CYREN: variants seen among roughly 807,000 people sequenced by gnomAD.
CYREN encodes the protein cell cycle regulator of NHEJ.
CYREN carries 7 observed loss-of-function variants against 9.7 expected under a neutral mutation model. The observed-to-expected ratio is 0.72, with a 90% CI of 0.41 to 1.36. The LOEUF is 1.36. CYREN is among the 40% of genes most tolerant of loss of function. The pLI, the probability that CYREN is intolerant of heterozygous loss-of-function variation, is 0.01. For missense variants in CYREN, 215 were observed against 198.1 expected (o/e 1.09, Z -0.51); for synonymous variants, 76 against 77.9 (o/e 0.98, Z 0.13).
intron 2 of CYREN, among the ~76,000 whole-genome samples, chr7:135,102,393 A>T (rs897756626): frequency 3.3e-5 from 5 of 152,180 alleles, no homozygotes; most frequent in Non-Finnish European, 7.4e-5. Flanking sequence ...ATTAATTCTT[A>T]AAAAATGTTA....
intron 2 of CYREN, among the ~76,000 whole-genome samples, chr7:135,103,292 G>A (rs1481046795): frequency 6.6e-6 from 1 of 152,154 alleles, no homozygotes; most frequent in Non-Finnish European, 1.5e-5. Context: ...TATTGAAGCT[G>A]AGTGATAGGT....
chr7:135,113,643 CA>C (rs1825936910), intron 2 of CYREN, among the ~76,000 whole-genome samples: 2 of 152,178 alleles, frequency 1.3e-5, no homozygotes, highest in South Asian at 4.1e-4. Flanking sequence ...ACCCACTTCC[CA>C]AGTATGTAGA....
At chr7:135,136,916 A>C (rs1829358379) in intron 2 of CYREN, among the ~76,000 whole-genome samples, 1 of 152,080 alleles carries the variant, frequency 6.6e-6, no homozygotes, top group South Asian at 2.1e-4. Context: ...TACAAATATA[A>C]GATGCTTTAC....
At chr7:135,150,821 A>G (rs960812201) in intron 2 of CYREN, among the ~76,000 whole-genome samples, 2 of 152,234 alleles carry the variant, frequency 1.3e-5, no homozygotes, top group Non-Finnish European at 2.9e-5. Context: ...GTGCCACTGC[A>G]TTCCACCCTG....
chr7:135,169,085 G>C (rs1264592907), intron 1 of CYREN, 25 bp from the exon 2 acceptor site: 2 of 691,504 alleles, frequency 2.9e-6, no homozygotes, highest in African/African-American at 1.8e-5. Flanking sequence ...AAAGTCCGGT[G>C]AATTCCCATA....
chr7:135,107,538 T>A (rs147426342), intron 2 of CYREN, among the ~76,000 whole-genome samples: 140 of 152,344 alleles, frequency 9.2e-4, no homozygotes, highest in Non-Finnish European at 1.7e-3. Flanking sequence ...GCAAATTTTT[T>A]AAATCTTGAT....
Position 135,168,999 on chromosome 7 carries a change from T to C in CYREN, c.-77A>G. 1 of 1,385,650 alleles carries C rather than the reference T, an allele frequency of 7.2e-7. No homozygotes were observed. The highest frequency in any genetic ancestry group is 9.7e-7 in the Non-Finnish European group (1 of 1,030,662). 85.8% of individuals were successfully genotyped at this position (1,385,650 alleles called of 1,614,324 possible). Reference sequence around the variant, plus strand: ...TTTTAATTCAGGAAGGTAAATCTCGTTCTCTCGTCACACCCGGAATTACAG... The same window carrying C: ...TTTTAATTCAGGAAGGTAAATCTCGCTCTCTCGTCACACCCGGAATTACAG... On this transcript the variant is annotated 5_prime_UTR_variant, in exon 2 of 4. Coordinates refer to ENST00000393114, the MANE Select transcript of CYREN (RefSeq NM_024033.4).
At chr7:135,172,272 T>C (rs62481877), upstream of CYREN, among the ~76,000 whole-genome samples, 74,674 of 152,136 alleles carry the variant, frequency 0.49, 18,611 homozygotes, top group South Asian at 0.65. Flanking sequence ...CATGCCTGCA[T>C]GGGCACTCTT....
intron 2 of CYREN, among the ~76,000 whole-genome samples, chr7:135,130,908 G>A (rs1487633127): frequency 6.6e-6 from 1 of 152,040 alleles, no homozygotes; most frequent in Non-Finnish European, 1.5e-5. Context: ...TTGGTGGGTG[G>A]CTTAGAAGCA....
At chr7:135,156,636 A>T (rs1329589681) in intron 2 of CYREN, among the ~76,000 whole-genome samples, 2 of 152,084 alleles carry the variant, frequency 1.3e-5, no homozygotes, top group Non-Finnish European at 2.9e-5. Context: ...TCTTTGTATT[A>T]GTTTTCAGAT....
intron 2 of CYREN, among the ~76,000 whole-genome samples, chr7:135,104,036 T>C (rs1356114823): frequency 6.6e-6 from 1 of 152,148 alleles, no homozygotes; most frequent in Non-Finnish European, 1.5e-5. Flanking sequence ...CAGTACCCAA[T>C]AGATACTTTT....
downstream of CYREN, chr7:135,164,959 TGAGGGCTGA>T (rs767980880): frequency 3.7e-6 from 6 of 1,608,476 alleles, no homozygotes; most frequent in South Asian, 1.1e-5. Flanking sequence ...GTGTTCCCTC[TGAGGGCTGA>T]GAGGGCTGAG....
chr7:135,131,014 C>T (rs1828681358), intron 2 of CYREN, among the ~76,000 whole-genome samples: 1 of 151,972 alleles, frequency 6.6e-6, no homozygotes, highest in South Asian at 2.1e-4. Context: ...TGAAGAATTG[C>T]TTTTAACTGT....
At chr7:135,148,963 G>A (rs1470387741) in intron 2 of CYREN, among the ~76,000 whole-genome samples, 3 of 152,046 alleles carry the variant, frequency 2.0e-5, no homozygotes, top group Non-Finnish European at 2.9e-5. Context: ...AGGCTCCTTT[G>A]AAAGAGGGAA....
At chr7:135,134,843 T>C in intron 2 of CYREN, 2 of 1,549,156 alleles carry the variant, frequency 1.3e-6, no homozygotes, top group Non-Finnish European at 8.7e-7. Context: ...TTTTCTAGAC[T>C]AAATCCGGCT....
rs2117424392 is a variant in CYREN, at chr7:135,151,036, T to C, written n.356+17713A>G. 6.6e-6 allele frequency among the ~76,000 whole-genome samples: 1 copy of C among 152,376 alleles called. No individual in the cohort carries two copies. The highest frequency in any genetic ancestry group is 1.5e-5 in the Non-Finnish European group (1 of 68,030). Reference sequence around the variant, plus strand: ...ATATTAATGGAACCATTTAAACAGCTATCTCAATGGCTTGTCATCTGGGTG... The same window carrying C: ...ATATTAATGGAACCATTTAAACAGCCATCTCAATGGCTTGTCATCTGGGTG... On this transcript the variant is annotated intron_variant and non_coding_transcript_variant, in intron 2 of 2. Coordinates refer to the CYREN transcript ENST00000459937. This position sits in a 1 kb window ranked among gnomAD's most constrained non-coding sequence, Gnocchi z 4.3.
intron 2 of CYREN, among the ~76,000 whole-genome samples, chr7:135,114,492 G>T (rs1826045403): frequency 1.6e-5 from 2 of 121,316 alleles, no homozygotes; most frequent in Admixed American, 1.9e-4. Flanking sequence ...ATAAAGAAGG[G>T]ATTTCTAACA....
chr7:135,157,765 G>A (rs1425998061), intron 2 of CYREN, among the ~76,000 whole-genome samples: 1 of 152,214 alleles, frequency 6.6e-6, no homozygotes, highest in Non-Finnish European at 1.5e-5. Flanking sequence ...AGGGTGGTGG[G>A]CACTGTTCTA....
chr7:135,129,181 A>G, intron 2 of CYREN: 1 of 1,428,432 alleles, frequency 7.0e-7, no homozygotes. Flanking sequence ...CTGATGGCAG[A>G]TGTGGTGTAC....
Sources: allele counts gnomAD v4.1 joint callset (sites outside exome capture counted in the v4.1 genomes callset), GRCh38; gene constraint gnomAD v4.1.1; non-coding constraint Gnocchi (gnomAD v3.1); transcripts MANE v1.5; gene names NCBI Gene and HGNC (gene_info 2026-07-23, HGNC 2026-07-21).